The following SYT16 variants were observed in gnomAD, a reference collection of about 807,000 sequenced individuals.
SYT16 encodes synaptotagmin 16.
Under a neutral mutation model 61.4 loss-of-function variants are expected in SYT16, and 42 were observed. That is an observed-to-expected ratio of 0.68 (90% CI 0.53 to 0.89). The LOEUF (loss-of-function observed/expected upper bound fraction) is 0.89, where lower values mean the gene tolerates loss of function less well. Among genes scored for constraint, SYT16 ranks in the 40% least tolerant of loss-of-function variants. The probability of loss-of-function intolerance (pLI) is 0.00; values close to 1 mark genes in which losing one functional copy is unlikely to be tolerated. For synonymous variants in SYT16, 314 were observed against 302.3 expected (o/e 1.04, Z -0.40); for missense variants, 804 against 807.3 (o/e 1.00, Z 0.05).
intron 7 of SYT16, among the ~76,000 whole-genome samples, chr14:62,094,928 C>T (rs2057219282): frequency 6.6e-6 from 1 of 151,916 alleles, no homozygotes; most frequent in African/African-American, 2.4e-5. Flanking sequence ...AAAAATTTTC[C>T]ATTGTCATCT....
chr14:61,936,232 T>C (rs761076144), intron 1 of SYT16, among the ~76,000 whole-genome samples: 22 of 152,228 alleles, frequency 1.4e-4, no homozygotes, highest in Non-Finnish European at 2.6e-4. Flanking sequence ...GGTTATGCGC[T>C]GCCTCTTTTT....
At chr14:61,835,460 AT>A (rs2046097789) in intron 1 of SYT16, among the ~76,000 whole-genome samples, 2 of 151,470 alleles carry the variant, frequency 1.3e-5, no homozygotes, top group South Asian at 4.2e-4. Flanking sequence ...GGGTTTCATT[AT>A]GTTGGCCAGG....
chr14:62,030,889 C>T (rs2054287438), intron 3 of SYT16, among the ~76,000 whole-genome samples: 1 of 152,150 alleles, frequency 6.6e-6, no homozygotes, highest in African/African-American at 2.4e-5. Context: ...GATGCCATAT[C>T]ATTTGATTTC....
At chr14:61,934,015 A>G (rs1405261746) in intron 1 of SYT16, among the ~76,000 whole-genome samples, 1 of 152,166 alleles carries the variant, frequency 6.6e-6, no homozygotes, top group African/African-American at 2.4e-5. Context: ...ATAGTCATAT[A>G]TATATATGCA....
intron 1 of SYT16, among the ~76,000 whole-genome samples, chr14:61,938,836 A>T (rs114523239): frequency 6.6e-6 from 1 of 152,184 alleles, no homozygotes; most frequent in South Asian, 2.1e-4. Flanking sequence ...TAAAGGATAT[A>T]AAAAGGACAG....
intron 7 of SYT16, among the ~76,000 whole-genome samples, chr14:62,085,463 T>A (rs2056854012): frequency 6.6e-6 from 1 of 152,090 alleles, no homozygotes; most frequent in African/African-American, 2.4e-5. Flanking sequence ...AAACTGTTAT[T>A]GAAAGAAGGA....
At chr14:61,860,736 G>A (rs2046937704) in intron 1 of SYT16, among the ~76,000 whole-genome samples, 1 of 152,178 alleles carries the variant, frequency 6.6e-6, no homozygotes, top group Non-Finnish European at 1.5e-5. Flanking sequence ...ACTACATTGA[G>A]GATCCACCTG....
intron 1 of SYT16, among the ~76,000 whole-genome samples, chr14:61,814,740 G>T (rs1018649444): frequency 6.6e-6 from 1 of 152,210 alleles, no homozygotes; most frequent in Admixed American, 6.5e-5. Flanking sequence ...AAACTGTGGA[G>T]AAACATTATT....
rs1385358063 is a variant in SYT16 at position 61,820,465 on chromosome 14, C to T, written c.-325+7655C>T. Among the ~76,000 whole-genome samples the T allele has an allele frequency of 4.4e-5, 5 of 113,092 alleles. 1 individual carries two copies. The East Asian group carries it at 1.5e-3, about 35-fold the overall frequency. 74.2% of individuals were successfully genotyped at this position (113,092 alleles called of 152,430 possible). A position where few individuals can be genotyped will look rare whatever the true frequency, so the allele number is the denominator to read the frequency against. ...GCGGATATGCTTCAGGGCACCTCTT[C>T]AGAGTTTTTTTTTTTTTTTTTTTTT... On this transcript the variant is annotated intron_variant, in intron 1 of 7. Coordinates refer to ENST00000683842, the MANE Select transcript of SYT16 (RefSeq NM_001367656.1).
At chr14:61,976,633 A>C (rs531697661) in intron 2 of SYT16, among the ~76,000 whole-genome samples, 1 of 152,236 alleles carries the variant, frequency 6.6e-6, no homozygotes, top group South Asian at 2.1e-4. Context: ...GGCCCCTTTT[A>C]GCCATGACTG....
chr14:62,104,411 T>C lies in SYT16; in HGVS notation c.*3704T>C. 6.6e-6 allele frequency: 1 copy of C among 152,168 alleles called. No individual in the cohort carries two copies. The highest frequency in any genetic ancestry group is 2.1e-4 in the South Asian group (1 of 4,828). 9.4% of individuals were successfully genotyped at this position (152,168 alleles called of 1,614,324 possible). A position where few individuals can be genotyped will look rare whatever the true frequency, so the allele number is the denominator to read the frequency against. ...TAAGAGCAAAGCAAATGATGGATAATCCTGAAATGGTAAAAGTATTTTTGT... is the reference window on the plus strand; with the variant it reads ...TAAGAGCAAAGCAAATGATGGATAACCCTGAAATGGTAAAAGTATTTTTGT... On this transcript the variant is annotated 3_prime_UTR_variant, in exon 8 of 8. Transcript: ENST00000683842.
intron 3 of SYT16, among the ~76,000 whole-genome samples, chr14:62,040,685 A>T (rs1459255066): frequency 6.6e-6 from 1 of 152,156 alleles, no homozygotes; most frequent in East Asian, 1.9e-4. Context: ...ATCCTTATCC[A>T]TGTTCCTCTG....
intron 1 of SYT16, among the ~76,000 whole-genome samples, chr14:61,956,968 A>G (rs2050901638): frequency 1.3e-5 from 2 of 151,754 alleles, no homozygotes; most frequent in African/African-American, 4.8e-5. Flanking sequence ...ATTTATTTGT[A>G]TCTTTTAAAA....
intron 1 of SYT16, among the ~76,000 whole-genome samples, chr14:61,815,688 G>GT (rs1189980502): frequency 1.3e-5 from 2 of 152,142 alleles, no homozygotes; most frequent in Admixed American, 1.3e-4. Flanking sequence ...CTTCAACTAG[G>GT]TTTTCAGTAA....
At chr14:61,872,337 G>T (rs1186346862) in intron 1 of SYT16, among the ~76,000 whole-genome samples, 1 of 151,912 alleles carries the variant, frequency 6.6e-6, no homozygotes, top group Non-Finnish European at 1.5e-5. Flanking sequence ...GGGTAATTGG[G>T]ATATCAATCC....
intron 3 of SYT16, among the ~76,000 whole-genome samples, chr14:62,046,980 A>C (rs1361961058): frequency 6.6e-6 from 1 of 152,130 alleles, no homozygotes; most frequent in Non-Finnish European, 1.5e-5. Flanking sequence ...GTTTTTTCCA[A>C]TTCTGTGAAG....
intron 1 of SYT16, among the ~76,000 whole-genome samples, chr14:61,914,669 T>C (rs1383455485): frequency 6.6e-6 from 1 of 152,196 alleles, no homozygotes; most frequent in Non-Finnish European, 1.5e-5. Context: ...AGTCTATCTA[T>C]CAGTCATCCC....
chr14:61,932,874 A>G (rs1016908592), intron 1 of SYT16, among the ~76,000 whole-genome samples: 1 of 152,090 alleles, frequency 6.6e-6, no homozygotes, highest in African/African-American at 2.4e-5. Flanking sequence ...GACCAGCCTG[A>G]CATCTCTGCT....
intron 1 of SYT16, among the ~76,000 whole-genome samples, chr14:61,879,011 C>T (rs1241485687): frequency 6.6e-6 from 1 of 152,140 alleles, no homozygotes; most frequent in African/African-American, 2.4e-5. Context: ...GACTTCCCTT[C>T]AGTGCTACCA....
Sources: allele counts gnomAD v4.1 joint callset (sites outside exome capture counted in the v4.1 genomes callset), GRCh38; gene constraint gnomAD v4.1.1; transcripts MANE v1.5; gene names NCBI Gene and HGNC (gene_info 2026-07-23, HGNC 2026-07-21).